Variants in ERC2 observed in about 807,000 individuals in gnomAD.
ERC2 encodes the protein ELKS/RAB6-interacting/CAST family member 2.
A neutral mutation model predicts 114.8 loss-of-function variants in ERC2; 42 were observed. That is an observed-to-expected ratio of 0.37 (90% CI 0.29 to 0.47). ERC2 has a LOEUF of 0.47. ERC2 is among the 20% of genes least tolerant of loss of function. The pLI is 0.99. For missense variants in ERC2, 939 were observed against 1,150.7 expected, an observed-to-expected ratio of 0.82 and a Z score of 2.66; for synonymous variants, 454 against 425.5, an observed-to-expected ratio of 1.07 and a Z score of -0.82.
chr3:55,929,723 C>T (rs777417983), intron 13 of ERC2, among the ~76,000 whole-genome samples: 2 of 152,110 alleles, frequency 1.3e-5, no homozygotes, highest in Admixed American at 6.5e-5. Flanking sequence ...ACGGACTTCC[C>T]CCTTGCTGTT....
At chr3:55,802,903 T>C (rs2059357578) in intron 14 of ERC2, among the ~76,000 whole-genome samples, 2 of 152,334 alleles carry the variant, frequency 1.3e-5, no homozygotes, top group African/African-American at 4.8e-5. Flanking sequence ...CAAGAGTCCA[T>C]GCCAGCTTCA....
At chr3:56,038,560 T>A (rs949160636) in intron 7 of ERC2, among the ~76,000 whole-genome samples, 1 of 152,218 alleles carries the variant, frequency 6.6e-6, no homozygotes, top group Non-Finnish European at 1.5e-5. Flanking sequence ...AAATACCATT[T>A]GACCCAGCTA....
At chr3:55,756,842 A>G (rs2067092081) in intron 14 of ERC2, among the ~76,000 whole-genome samples, 1 of 152,148 alleles carries the variant, frequency 6.6e-6, no homozygotes, top group African/African-American at 2.4e-5. Context: ...AACCACCTTA[A>G]GAGTTCCCTC....
At chr3:56,201,069 C>T (rs2048376413) in intron 3 of ERC2, among the ~76,000 whole-genome samples, 1 of 152,272 alleles carries the variant, frequency 6.6e-6, no homozygotes, top group East Asian at 1.9e-4. Flanking sequence ...GTTCTTGGTA[C>T]TCATCTTGCT....
intron 13 of ERC2, among the ~76,000 whole-genome samples, chr3:55,921,672 A>T (rs147255433): frequency 3.3e-5 from 5 of 152,290 alleles, no homozygotes; most frequent in African/African-American, 4.8e-5. Flanking sequence ...AAGAACTAGC[A>T]TATAACTTTT....
At chr3:55,905,295 G>A (rs1379988509) in intron 13 of ERC2, among the ~76,000 whole-genome samples, 1 of 152,148 alleles carries the variant, frequency 6.6e-6, no homozygotes, top group Non-Finnish European at 1.5e-5. Flanking sequence ...TAGTCAGGTT[G>A]GTCTCGAACT....
intron 17 of ERC2, among the ~76,000 whole-genome samples, chr3:55,608,307 C>T (rs989632539): frequency 1.3e-5 from 2 of 152,204 alleles, no homozygotes; most frequent in African/African-American, 4.8e-5. Context: ...TAACCTATGA[C>T]AACACAAATT....
intron 14 of ERC2, among the ~76,000 whole-genome samples, chr3:55,748,650 G>C (rs1307224195): frequency 2.6e-5 from 4 of 152,176 alleles, no homozygotes; most frequent in African/African-American, 9.7e-5. Context: ...CAAATGCTGG[G>C]CAAAGAATCC....
intron 5 of ERC2, among the ~76,000 whole-genome samples, chr3:56,143,521 G>T (rs758971171): frequency 8.5e-5 from 13 of 152,132 alleles, no homozygotes; most frequent in Non-Finnish European, 1.8e-4. Context: ...CAGTTCCCCT[G>T]CATACACTCT....
chr3:56,449,425 G>C (rs1011498619), intron 1 of ERC2, among the ~76,000 whole-genome samples: 2 of 152,182 alleles, frequency 1.3e-5, no homozygotes, highest in Admixed American at 6.5e-5. Context: ...TCTCGCCCAA[G>C]AGTAAGGGAA....
chr3:56,105,216 G>T (rs2078588134), intron 6 of ERC2, among the ~76,000 whole-genome samples: 1 of 152,168 alleles, frequency 6.6e-6, no homozygotes. Flanking sequence ...AGGAAATGGG[G>T]TAAGGACAGG....
intron 7 of ERC2, among the ~76,000 whole-genome samples, chr3:56,040,496 C>T (rs1185199217): frequency 7.2e-6 from 1 of 138,138 alleles, no homozygotes; most frequent in African/African-American, 2.7e-5. Context: ...CTACAGCACT[C>T]ATCTCCCTTA....
At chr3:56,122,277 G>A (rs563179150) in intron 6 of ERC2, among the ~76,000 whole-genome samples, 1 of 152,224 alleles carries the variant, frequency 6.6e-6, no homozygotes, top group East Asian at 1.9e-4. Flanking sequence ...ATTTCATTAT[G>A]TTGGGAAGAT....
At chr3:55,919,716 G>C (rs986502452) in intron 13 of ERC2, among the ~76,000 whole-genome samples, 3 of 152,116 alleles carry the variant, frequency 2.0e-5, no homozygotes, top group African/African-American at 7.2e-5. Context: ...GGAGATGACC[G>C]ACTTGCAATT....
At chr3:55,750,732 A>G (rs1282346342) in intron 14 of ERC2, among the ~76,000 whole-genome samples, 1 of 152,202 alleles carries the variant, frequency 6.6e-6, no homozygotes, top group Admixed American at 6.5e-5. Flanking sequence ...ATGCTAGAAT[A>G]CCACCACCAA....
At chr3:56,200,330 C>T (rs2048339034) in intron 3 of ERC2, among the ~76,000 whole-genome samples, 1 of 143,340 alleles carries the variant, frequency 7.0e-6, no homozygotes, top group African/African-American at 2.6e-5. Flanking sequence ...CACAGTTTGC[C>T]TACTCAAATA....
rs1197458732 is a variant in ERC2, at chr3:55,509,571, C to CTGA, written c.*1742_*1744dup. 5 of 152,570 alleles carry CTGA rather than the reference C, an allele frequency of 3.3e-5. No individual in the cohort carries two copies. Among genetic ancestry groups the CTGA allele is most frequent in the African/African-American group, 1.2e-4 (5 of 41,450 alleles). The allele number at this position is 152,570 out of a possible 1,614,324, so 9.5% of individuals were successfully genotyped here. A position where few individuals can be genotyped will look rare whatever the true frequency, so the allele number is the denominator to read the frequency against. On this transcript the variant is annotated 3_prime_UTR_variant, in exon 18 of 18. Coordinates refer to ENST00000288221, the MANE Select transcript of ERC2 (RefSeq NM_015576.3). ...AGCATTACATAGTTTGTTATACTTA[C>CTGA]TGATGACAAGAACAAAGCCAGAAGC...
rs553309212 is a variant in ERC2 at position 55,961,079 on chromosome 3, C to A, written c.2268-10519G>T. Among the ~76,000 whole-genome samples, 16 of 152,354 alleles carry A rather than the reference C, an allele frequency of 1.1e-4. No individual in the cohort carries two copies. The South Asian group carries it at 3.3e-3, about 32-fold the overall frequency. ...GAGGTTGCAGTGAGCCAAGATCGTG[C>A]CACTTCACTCCAGCCTGAATGAAAG... On this transcript the variant is annotated intron_variant, in intron 12 of 17. Transcript: ENST00000288221.
intron 2 of ERC2, among the ~76,000 whole-genome samples, chr3:56,375,525 A>G (rs1195810270): frequency 6.6e-6 from 1 of 152,212 alleles, no homozygotes; most frequent in Non-Finnish European, 1.5e-5. Context: ...GGGATACAGC[A>G]GTCAACAAGA....
Sources: gnomAD v4.1 joint callset for allele counts (sites outside exome capture counted in the v4.1 genomes callset) on GRCh38, gnomAD v4.1.1 for gene constraint, MANE v1.5 for transcripts, NCBI Gene and HGNC (gene_info 2026-07-23, HGNC 2026-07-21) for gene names.